Variants in RASSF3 observed in about 807,000 individuals in gnomAD.
The protein encoded by RASSF3 is Ras association domain family member 3.
RASSF3 carries 19 observed loss-of-function variants against 19.9 expected under a neutral mutation model. The ratio of observed to expected loss-of-function variants is 0.96; its 90% confidence interval spans 0.67 to 1.40. The LOEUF (loss-of-function observed/expected upper bound fraction) is 1.40, where lower values mean the gene tolerates loss of function less well. RASSF3 is among the 40% of genes most tolerant of loss of function. The probability of loss-of-function intolerance (pLI) is 0.00; values close to 1 mark genes in which losing one functional copy is unlikely to be tolerated. For synonymous variants in RASSF3, 110 were observed against 104.2 expected (o/e 1.06, Z -0.34); for missense variants, 306 against 289.8 (o/e 1.06, Z -0.41).
At chr12:64,674,300 T>C (rs1166808161) in intron 1 of RASSF3, among the ~76,000 whole-genome samples, 1 of 152,194 alleles carries the variant, frequency 6.6e-6, no homozygotes, top group African/African-American at 2.4e-5. Context: ...AGAGGGTGGA[T>C]TGCAAATGCA....
intron 3 of RASSF3, among the ~76,000 whole-genome samples, chr12:64,689,938 G>T (rs1270078464): frequency 6.7e-6 from 1 of 149,962 alleles, no homozygotes; most frequent in African/African-American, 2.5e-5. Flanking sequence ...ACAGGCGCCC[G>T]CCACCACGTC....
intron 1 of RASSF3, among the ~76,000 whole-genome samples, chr12:64,511,729 C>G (rs997200557): frequency 2.0e-5 from 3 of 152,124 alleles, no homozygotes; most frequent in Non-Finnish European, 2.9e-5. Context: ...GTTTCCAGGA[C>G]ACCCCCTTGA....
intron 2 of RASSF3, among the ~76,000 whole-genome samples, chr12:64,559,143 C>T (rs1028163015): frequency 3.9e-5 from 6 of 152,168 alleles, no homozygotes; most frequent in African/African-American, 1.4e-4. Context: ...GGAGGAGGGC[C>T]ACCACTGCTT....
intron 2 of RASSF3, among the ~76,000 whole-genome samples, chr12:64,552,075 G>C (rs543959638): frequency 8.5e-5 from 13 of 152,144 alleles, no homozygotes; most frequent in Non-Finnish European, 1.8e-4. Flanking sequence ...GGGGGCCTTA[G>C]AGTTAGTTTT....
At chr12:64,559,425 G>A (rs1238164446) in intron 2 of RASSF3, among the ~76,000 whole-genome samples, 1 of 149,900 alleles carries the variant, frequency 6.7e-6, no homozygotes, top group Non-Finnish European at 1.5e-5. Flanking sequence ...TGTTTTTGTT[G>A]TTGTTGTTGT....
At chr12:64,542,033 A>T (rs758518101), downstream of RASSF3, among the ~76,000 whole-genome samples, 29 of 152,200 alleles carry the variant, frequency 1.9e-4, no homozygotes, top group Non-Finnish European at 3.5e-4. Flanking sequence ...TGCGGAAAAT[A>T]GGACATGAAC....
chr12:64,637,956 G>A (rs997402105), intron 1 of RASSF3, among the ~76,000 whole-genome samples: 2 of 150,680 alleles, frequency 1.3e-5, no homozygotes, highest in African/African-American at 2.4e-5. Flanking sequence ...CTCAGCCTCC[G>A]GAGTAGCTGG....
intron 1 of RASSF3, among the ~76,000 whole-genome samples, chr12:64,612,334 C>T (rs781135924): frequency 4.6e-5 from 7 of 152,122 alleles, no homozygotes; most frequent in Non-Finnish European, 1.5e-5. Context: ...TGCTAATCTC[C>T]TGAAAACTGG....
At chr12:64,518,140 T>C (rs1413478990) in intron 1 of RASSF3, among the ~76,000 whole-genome samples, 3 of 152,216 alleles carry the variant, frequency 2.0e-5, no homozygotes, top group Admixed American at 6.5e-5. Context: ...TAATCATTCA[T>C]AGTTAATGAG....
At chr12:64,520,533 C>T (rs979700454) in intron 1 of RASSF3, among the ~76,000 whole-genome samples, 27 of 143,978 alleles carry the variant, frequency 1.9e-4, no homozygotes, top group African/African-American at 6.9e-4. Context: ...TGTGTATACA[C>T]ACACAGATAC....
intron 1 of RASSF3, among the ~76,000 whole-genome samples, chr12:64,667,974 A>T (rs1186495822): frequency 3.3e-5 from 5 of 152,210 alleles, no homozygotes; most frequent in African/African-American, 1.2e-4. Flanking sequence ...AGCTGGCAAC[A>T]GGTTTTTCTC....
At chr12:64,580,942 TTAAG>T (rs145463413) in intron 2 of RASSF3, among the ~76,000 whole-genome samples, 2,455 of 152,222 alleles carry the variant, frequency 0.016, 54 homozygotes, top group African/African-American at 0.055. Context: ...GTACCAGGGG[TTAAG>T]ACTTCATATC....
At chr12:64,642,779 G>C (rs1871589430) in intron 1 of RASSF3, among the ~76,000 whole-genome samples, 1 of 151,462 alleles carries the variant, frequency 6.6e-6, no homozygotes, top group Non-Finnish European at 1.5e-5. Context: ...TGGTTTAAAA[G>C]TATAGCTTCT....
chr12:64,598,135 C>T (rs905426612), intron 2 of RASSF3, among the ~76,000 whole-genome samples: 1 of 151,870 alleles, frequency 6.6e-6, no homozygotes, highest in East Asian at 1.9e-4. Context: ...GCCAAGCTGA[C>T]CTAGAACTCC....
At chr12:64,694,231 G>A (rs1868323347) in intron 4 of RASSF3, among the ~76,000 whole-genome samples, 1 of 152,172 alleles carries the variant, frequency 6.6e-6, no homozygotes, top group South Asian at 2.1e-4. Flanking sequence ...TTGGGGAACA[G>A]ATGGGGGAGC....
At chr12:64,530,075 A>G (rs151076030), upstream of RASSF3, among the ~76,000 whole-genome samples, 14 of 152,234 alleles carry the variant, frequency 9.2e-5, no homozygotes, top group East Asian at 2.7e-3. Context: ...AAGTGTCCCC[A>G]GGTCCCTTTG....
intron 1 of RASSF3, among the ~76,000 whole-genome samples, chr12:64,620,470 G>T (rs1274135450): frequency 6.6e-6 from 1 of 152,136 alleles, no homozygotes; most frequent in Non-Finnish European, 1.5e-5. Flanking sequence ...ATAAGTAACA[G>T]TTGCTATAGA....
At chr12:64,537,076 G>GAAGCCTTC (rs1413992914) in intron 1 of RASSF3, among the ~76,000 whole-genome samples, 1 of 152,084 alleles carries the variant, frequency 6.6e-6, no homozygotes, top group East Asian at 1.9e-4. Flanking sequence ...TTGTTTTCTT[G>GAAGCCTTC]AAGCCTTCTT....
chr12:64,607,995 C>T (rs1383588972), upstream of RASSF3, among the ~76,000 whole-genome samples: 1 of 152,034 alleles, frequency 6.6e-6, no homozygotes, highest in Admixed American at 6.6e-5. Context: ...TCTTGAACTC[C>T]TGGCTTCAAG....
Sources: allele counts gnomAD v4.1 joint callset (sites outside exome capture counted in the v4.1 genomes callset), GRCh38; gene constraint gnomAD v4.1.1; transcripts MANE v1.5; gene names NCBI Gene and HGNC (gene_info 2026-07-23, HGNC 2026-07-21).